ZNF423: variants seen among roughly 807,000 people sequenced by gnomAD.
ZNF423 encodes the protein zinc finger protein 423, also known as Ebf-associated zinc finger protein.
ZNF423 carries 12 observed loss-of-function variants against 95.8 expected under a neutral mutation model. The ratio of observed to expected loss-of-function variants is 0.13; its 90% confidence interval spans 0.08 to 0.20. The LOEUF is 0.20. Ranked by LOEUF, ZNF423 falls within the 10% of genes least tolerant of loss-of-function variation. The pLI, the probability that ZNF423 is intolerant of heterozygous loss-of-function variation, is 1.00. For synonymous variants in ZNF423, 749 were observed against 711.9 expected, an observed-to-expected ratio of 1.05 and a Z score of -0.83; for missense variants, 1,316 against 1,737.1, an observed-to-expected ratio of 0.76 and a Z score of 4.31.
chr16:49,664,213 C>T lies in ZNF423; in HGVS notation c.302-25339G>A, dbSNP rs60825832. 472 of 985,546 alleles carry T rather than the reference C, an allele frequency of 4.8e-4. No homozygotes were observed. The African/African-American group carries it at 7.1e-3, about 15-fold the overall frequency. The allele number at this position is 985,546 out of a possible 1,614,324, so 61.1% of individuals were successfully genotyped here. A position where few individuals can be genotyped will look rare whatever the true frequency, so the allele number is the denominator to read the frequency against. ...GCGAGGGCTGGAGAGGCGCTTCCCA[C>T]CGGCCCACTGGTGATCTCAGCCACG... On this transcript the variant is annotated intron_variant, in intron 3 of 7. Coordinates refer to ENST00000563137, the MANE Select transcript of ZNF423 (RefSeq NM_001379286.1).
At chr16:49,553,216 A>AT (rs1411070671) in intron 5 of ZNF423, among the ~76,000 whole-genome samples, 2 of 152,218 alleles carry the variant, frequency 1.3e-5, no homozygotes, top group African/African-American at 4.8e-5. Context: ...GGATGTTAGA[A>AT]GGGTTAGAGG....
chr16:49,758,461 G>C (rs1249069218), intron 2 of ZNF423, among the ~76,000 whole-genome samples: 1 of 152,178 alleles, frequency 6.6e-6, no homozygotes, highest in Non-Finnish European at 1.5e-5. Flanking sequence ...AAAATAATCA[G>C]CTGGGCATGG....
At chr16:49,700,661 A>T (rs1176721283) in intron 3 of ZNF423, among the ~76,000 whole-genome samples, 1 of 152,204 alleles carries the variant, frequency 6.6e-6, no homozygotes, top group Non-Finnish European at 1.5e-5. Flanking sequence ...ACAAACCTTG[A>T]ATCAATGATG....
At chr16:49,513,472 A>T (rs1967981027) in intron 7 of ZNF423, among the ~76,000 whole-genome samples, 1 of 152,192 alleles carries the variant, frequency 6.6e-6, no homozygotes, top group Non-Finnish European at 1.5e-5. Context: ...GTACAAAGAG[A>T]CAAGGAAACT....
At chr16:49,514,440 G>A (rs890928177) in intron 7 of ZNF423, among the ~76,000 whole-genome samples, 9 of 152,114 alleles carry the variant, frequency 5.9e-5, no homozygotes, top group Non-Finnish European at 1.2e-4. Flanking sequence ...GGTGCCGGGA[G>A]TAGGTACTCA....
intron 7 of ZNF423, among the ~76,000 whole-genome samples, chr16:49,520,209 C>T (rs1242638631): frequency 6.6e-6 from 1 of 152,218 alleles, no homozygotes; most frequent in Non-Finnish European, 1.5e-5. Flanking sequence ...ATCATGGGCC[C>T]TCCACATACT....
rs568905486 is a variant in ZNF423 at position 49,749,032 on chromosome 16, C to T, written c.101-18061G>A. Reference sequence around the variant, plus strand: ...CGGTTTCTATGGAGTCCAGGGGCTACGGTCCCATCTCCACGGCATTAAATA... The same window carrying T: ...CGGTTTCTATGGAGTCCAGGGGCTATGGTCCCATCTCCACGGCATTAAATA... On this transcript the variant is annotated intron_variant, in intron 2 of 7. Coordinates refer to ENST00000563137, the MANE Select transcript of ZNF423 (RefSeq NM_001379286.1). Among the ~76,000 whole-genome samples the T allele has an allele frequency of 2.0e-5, 3 of 152,286 alleles. No homozygotes were observed. The South Asian group carries it at 6.2e-4, about 32-fold the overall frequency.
At chr16:49,515,451 C>T (rs978779697) in intron 7 of ZNF423, among the ~76,000 whole-genome samples, 28 of 152,226 alleles carry the variant, frequency 1.8e-4, no homozygotes, top group African/African-American at 6.5e-4. Flanking sequence ...TTTCTGTTTG[C>T]CTTGGTGGCA....
At chr16:49,559,280 C>G (rs551223288) in intron 5 of ZNF423, among the ~76,000 whole-genome samples, 2 of 152,306 alleles carry the variant, frequency 1.3e-5, no homozygotes, top group South Asian at 2.1e-4. Flanking sequence ...CTACTCAGTA[C>G]CAAAGGGGGT....
intron 7 of ZNF423, among the ~76,000 whole-genome samples, chr16:49,515,773 G>A (rs1158112577): frequency 2.6e-5 from 4 of 152,238 alleles, no homozygotes; most frequent in Non-Finnish European, 5.9e-5. Flanking sequence ...CAGTGAGGAT[G>A]AAGAACAGGA....
At chr16:49,704,471 C>A (rs979307477) in intron 3 of ZNF423, among the ~76,000 whole-genome samples, 5 of 152,152 alleles carry the variant, frequency 3.3e-5, no homozygotes, top group Non-Finnish European at 7.3e-5. Context: ...TACATACATA[C>A]CAGGAAGCCC....
intron 3 of ZNF423, among the ~76,000 whole-genome samples, chr16:49,686,104 T>C (rs187610176): frequency 2.4e-4 from 36 of 152,368 alleles, no homozygotes; most frequent in African/African-American, 8.7e-4. Flanking sequence ...TAGCTATTTA[T>C]GGGGTGGTTT....
rs573903232 is a variant in ZNF423, at chr16:49,853,296, C to T, written c.40+2439G>A. Reference sequence around the variant, plus strand: ...TTTGAATATTGCTTAAGAGAAGGGGCGGGGCGGGGGGGGAGCAGTTCTTGA... The same window carrying T: ...TTTGAATATTGCTTAAGAGAAGGGGTGGGGCGGGGGGGGAGCAGTTCTTGA... On this transcript the variant is annotated intron_variant, in intron 1 of 7. Transcript: ENST00000563137. 1.4e-3 allele frequency among the ~76,000 whole-genome samples: 47 copies of T among 34,570 alleles called. 1 individual carries two copies. The highest frequency in any genetic ancestry group is 5.8e-3 in the African/African-American group (44 of 7,644). The allele number at this position is 34,570 out of a possible 152,430, so 22.7% of individuals were successfully genotyped here. A position where few individuals can be genotyped will look rare whatever the true frequency, so the allele number is the denominator to read the frequency against.
intron 3 of ZNF423, among the ~76,000 whole-genome samples, chr16:49,700,940 A>G (rs1393065898): frequency 6.6e-6 from 1 of 152,076 alleles, no homozygotes; most frequent in Non-Finnish European, 1.5e-5. Context: ...AGGAGGGCAG[A>G]GGAGGGAGGA....
At chr16:49,818,117 C>A (rs1454492150) in intron 1 of ZNF423, among the ~76,000 whole-genome samples, 1 of 152,160 alleles carries the variant, frequency 6.6e-6, no homozygotes, top group Non-Finnish European at 1.5e-5. Flanking sequence ...TCCTTTTTCT[C>A]AGAAGGCTTC....
chr16:49,838,269 T>G (rs1042912269), intron 1 of ZNF423, among the ~76,000 whole-genome samples: 5 of 152,060 alleles, frequency 3.3e-5, no homozygotes, highest in Admixed American at 2.0e-4. Flanking sequence ...GGGGCTGGAG[T>G]GCCTCCGTTC....
chr16:49,778,342 C>T (rs1271676386), intron 2 of ZNF423, among the ~76,000 whole-genome samples: 3 of 152,192 alleles, frequency 2.0e-5, no homozygotes, highest in Non-Finnish European at 4.4e-5. Flanking sequence ...GGAGCTGGGC[C>T]CTGCAGAGTG....
At chr16:49,856,679 A>G (rs2144146848), upstream of ZNF423, among the ~76,000 whole-genome samples, 1 of 147,500 alleles carries the variant, frequency 6.8e-6, no homozygotes, top group African/African-American at 2.5e-5. Context: ...CCCCCGGAGG[A>G]GGAAGGGGCG....
At chr16:49,642,852 G>A (rs1173872170) in intron 3 of ZNF423, among the ~76,000 whole-genome samples, 8 of 133,218 alleles carry the variant, frequency 6.0e-5, no homozygotes, top group Non-Finnish European at 1.1e-4. Context: ...AAGGAGTCTC[G>A]CCCTGTGGCC....
Sources: gnomAD v4.1 joint callset for allele counts (sites outside exome capture counted in the v4.1 genomes callset) on GRCh38, gnomAD v4.1.1 for gene constraint, MANE v1.5 for transcripts, NCBI Gene and HGNC (gene_info 2026-07-23, HGNC 2026-07-21) for gene names.